The following CDC45 variants were observed in gnomAD, a reference collection of about 807,000 sequenced individuals.
CDC45 encodes cell division control protein 45 homolog.
CDC45 carries 54 observed loss-of-function variants against 77.8 expected under a neutral mutation model. That is an observed-to-expected ratio of 0.69 (90% CI 0.56 to 0.87). The LOEUF is 0.87. Ranked by LOEUF, CDC45 falls within the 40% of genes least tolerant of loss-of-function variation. The pLI is 0.00. For missense variants in CDC45, 649 were observed against 721.6 expected, an observed-to-expected ratio of 0.90 and a Z score of 1.15; for synonymous variants, 260 against 272.1, an observed-to-expected ratio of 0.96 and a Z score of 0.44.
intron 5 of CDC45, among the ~76,000 whole-genome samples, chr22:19,494,101 T>C (rs1328914611): frequency 1.3e-5 from 2 of 152,154 alleles, no homozygotes; most frequent in Non-Finnish European, 2.9e-5. Flanking sequence ...CTACTCTTTC[T>C]GCCCATGGTG....
At chr22:19,480,910 A>C (rs760249554) in intron 2 of CDC45, 43 bp from the exon 3 acceptor site, 2 of 1,259,128 alleles carry the variant, frequency 1.6e-6, no homozygotes, top group Non-Finnish European at 2.3e-6. Context: ...GTAAATTGCT[A>C]ATGTCCTAAA....
intron 9 of CDC45, among the ~76,000 whole-genome samples, chr22:19,503,654 T>C (rs1329696727): frequency 6.6e-6 from 1 of 152,204 alleles, no homozygotes; most frequent in Non-Finnish European, 1.5e-5. Flanking sequence ...AAGTTCCAAA[T>C]TTCAGAAGTC....
intron 17 of CDC45, among the ~76,000 whole-genome samples, chr22:19,517,875 C>T (rs1246673729): frequency 1.9e-4 from 29 of 152,222 alleles, no homozygotes; most frequent in Admixed American, 1.9e-3. Context: ...GTGGGGGAGA[C>T]CGTTCAGCTC....
intron 8 of CDC45, 120 bp from the exon 9 acceptor site, chr22:19,498,981 C>A: frequency 1.8e-6 from 2 of 1,105,090 alleles, no homozygotes; most frequent in Non-Finnish European, 2.7e-6. Flanking sequence ...TCTGGCCCCA[C>A]TGGCAGGACA....
intron 17 of CDC45, 98 bp downstream of exon 17, chr22:19,516,991 T>C: frequency 9.9e-7 from 1 of 1,007,760 alleles, no homozygotes; most frequent in Non-Finnish European, 1.5e-6. Context: ...TGGAGGAGCC[T>C]GGCCAGCAGC....
intron 6 of CDC45, among the ~76,000 whole-genome samples, chr22:19,495,062 C>G (rs753150295): frequency 6.6e-6 from 1 of 151,592 alleles, no homozygotes; most frequent in Non-Finnish European, 1.5e-5. Context: ...AAAAACAAAC[C>G]AAAAAAGGAT....
intron 5 of CDC45, among the ~76,000 whole-genome samples, chr22:19,493,229 TTTTTTTTTTG>T (rs1012986490): frequency 5.0e-5 from 6 of 119,086 alleles, no homozygotes; most frequent in African/African-American, 2.0e-4. Context: ...TTTTGTGGGT[TTTTTTTTTTG>T]TTGTTTTGTT....
intron 10 of CDC45, among the ~76,000 whole-genome samples, chr22:19,506,754 G>A (rs1213115533): frequency 2.6e-5 from 4 of 152,172 alleles, no homozygotes; most frequent in Non-Finnish European, 4.4e-5. Flanking sequence ...CTAACACGGT[G>A]AAACCTCGTT....
chr22:19,479,927 T>G lies in CDC45; in HGVS notation c.-42T>G. 1 of 1,610,560 alleles carries G rather than the reference T, an allele frequency of 6.2e-7. No individual in the cohort carries two copies. The highest frequency in any genetic ancestry group is 8.5e-7 in the Non-Finnish European group (1 of 1,178,890). On this transcript the variant is annotated 5_prime_UTR_variant, in exon 1 of 19. Transcript: ENST00000263201. ...GGAGTCTTGACCGCCGCCGGGCTCT[T>G]GGTACCTCAGCGCGAGCGCCAGGCG...
At chr22:19,500,996 G>A (rs763988842) in intron 9 of CDC45, among the ~76,000 whole-genome samples, 3 of 152,104 alleles carry the variant, frequency 2.0e-5, no homozygotes, top group Non-Finnish European at 4.4e-5. Flanking sequence ...GGCCAATATG[G>A]TGAAACACCG....
chr22:19,508,157 G>A (rs1219878777), intron 12 of CDC45, among the ~76,000 whole-genome samples: 1 of 152,126 alleles, frequency 6.6e-6, no homozygotes, highest in Non-Finnish European at 1.5e-5. Context: ...GTCGACCCCA[G>A]TCTGTTTCAC....
intron 5 of CDC45, among the ~76,000 whole-genome samples, chr22:19,485,555 C>T (rs2090053703): frequency 6.6e-6 from 1 of 152,128 alleles, no homozygotes; most frequent in Admixed American, 6.5e-5. Flanking sequence ...GAGAACAGAC[C>T]AGTGGGTTTG....
At chr22:19,484,938 T>G (rs1161854760) in intron 5 of CDC45, among the ~76,000 whole-genome samples, 2 of 151,140 alleles carry the variant, frequency 1.3e-5, no homozygotes, top group Non-Finnish European at 3.0e-5. Flanking sequence ...TGTTTTTTGT[T>G]TTTTTTTTGT....
rs904651781 is a variant in CDC45 at position 19,505,343 on chromosome 22, G to A, written c.705-19G>A. On this transcript the variant is annotated intron_variant, in intron 9 of 18. Transcript: ENST00000263201. Reference sequence around the variant, plus strand: ...AGCTGGAGGGAACCAGCCGAGGCTTGTGCTACTTTTTTTTCCAGAATGAAA... The same window carrying A: ...AGCTGGAGGGAACCAGCCGAGGCTTATGCTACTTTTTTTTCCAGAATGAAA... The A allele has an allele frequency of 2.6e-5, 42 of 1,613,968 alleles. No individual in the cohort carries two copies. Among genetic ancestry groups the A allele is most frequent in the Non-Finnish European group, 3.3e-5 (39 of 1,180,014 alleles).
In CDC45 at chr22:19,501,232, C is replaced by T. The variant is rs147178807; in HGVS notation, c.704+2081C>T. On this transcript the variant is annotated intron_variant, in intron 9 of 18. Coordinates refer to ENST00000263201, the MANE Select transcript of CDC45 (RefSeq NM_003504.5). Reference sequence around the variant, plus strand: ...AAATTATGGAGAGCCTACCTGAAGCCCCTTATGGGTATTTGCCTGCGGCTA... The same window carrying T: ...AAATTATGGAGAGCCTACCTGAAGCTCCTTATGGGTATTTGCCTGCGGCTA... Among the ~76,000 whole-genome samples the T allele has an allele frequency of 5.3e-5, 8 of 152,024 alleles. No individual in the cohort carries two copies. The East Asian group carries it at 1.5e-3, about 29-fold the overall frequency.
At chr22:19,512,969 AATGGAGG>A (rs1373955573) in intron 13 of CDC45, among the ~76,000 whole-genome samples, 2 of 152,140 alleles carry the variant, frequency 1.3e-5, no homozygotes, top group Middle Eastern at 3.2e-3. Context: ...ACCATGTGGC[AATGGAGG>A]AAGGAAGAGA....
At chr22:19,484,410 A>C (rs1825109037) in intron 5 of CDC45, among the ~76,000 whole-genome samples, 1 of 152,230 alleles carries the variant, frequency 6.6e-6, no homozygotes, top group Non-Finnish European at 1.5e-5. Context: ...GCCCAGTCCC[A>C]GACAATTACT....
chr22:19,504,458 C>G (rs1255790382), intron 9 of CDC45, among the ~76,000 whole-genome samples: 7 of 152,296 alleles, frequency 4.6e-5, no homozygotes, highest in African/African-American at 1.7e-4. Context: ...CAGCAACACG[C>G]CCGGCTAATT....
intron 9 of CDC45, among the ~76,000 whole-genome samples, chr22:19,500,513 C>A (rs1288018704): frequency 6.6e-6 from 1 of 152,154 alleles, no homozygotes; most frequent in African/African-American, 2.4e-5. Flanking sequence ...CCATAGATCA[C>A]AACTTGAACC....
Sources: gnomAD v4.1 joint callset for allele counts (sites outside exome capture counted in the v4.1 genomes callset) on GRCh38, gnomAD v4.1.1 for gene constraint, MANE v1.5 for transcripts, NCBI Gene and HGNC (gene_info 2026-07-23, HGNC 2026-07-21) for gene names.